Variants in ZNF410 observed in about 807,000 individuals in gnomAD.
ZNF410 encodes another partner for ARF 1.
In ZNF410, 18 loss-of-function variants were observed where a neutral mutation model predicts 54.8. That is an observed-to-expected ratio of 0.33 (90% CI 0.23 to 0.49). The LOEUF is 0.49. Among genes scored for constraint, ZNF410 ranks in the 20% least tolerant of loss-of-function variants. ZNF410 has a pLI of 0.99. For missense variants in ZNF410, 405 were observed against 569.6 expected (o/e 0.71, Z 2.94); for synonymous variants, 191 against 207.3 (o/e 0.92, Z 0.68).
In ZNF410 at chr14:73,904,920, C is replaced by A; in HGVS notation, c.750C>A (p.Ile250=). ...TTTGCAGAAATGACCGCTCCTTCATCTGTCCTGCAGAAGGTTGTGGGAAAA... is the reference window on the plus strand; with the variant it reads ...TTTGCAGAAATGACCGCTCCTTCATATGTCCTGCAGAAGGTTGTGGGAAAA... The part of the protein sequence containing the change: ...LKTHRNDRSF[I]CPAEGCGKSF... Residue 250 remains isoleucine (I), a synonymous_variant, in exon 7 of 12, where the codon ATC becomes ATA. Coordinates refer to ENST00000555044, the MANE Select transcript of ZNF410 (RefSeq NM_021188.3). 1 of 1,613,126 alleles carries A rather than the reference C, an allele frequency of 6.2e-7. No homozygotes were observed. The highest frequency in any genetic ancestry group is 2.2e-5 in the East Asian group (1 of 44,886).
intron 5 of ZNF410, among the ~76,000 whole-genome samples, chr14:73,900,861 C>T (rs1013644): frequency 0.067 from 10,270 of 152,180 alleles, 870 homozygotes; most frequent in East Asian, 0.44. Context: ...TAAAGCTCAC[C>T]AGCTGTCATT....
chr14:73,922,277 C>T lies in ZNF410; in HGVS notation c.1270+71C>T. ...TAGGGGCTAAGGAATGGGGTGTCTC[C>T]ACAATGTATGTTTAAATCTCATTTC... is the stretch of plus-strand genomic sequence containing the variant. On this transcript the variant is annotated intron_variant, in intron 10 of 11. Transcript: ENST00000555044. 3 of 1,477,542 alleles carry T rather than the reference C, an allele frequency of 2.0e-6. No individual in the cohort carries two copies. The South Asian group carries it at 3.8e-5, about 18-fold the overall frequency. 91.5% of individuals were successfully genotyped at this position (1,477,542 alleles called of 1,614,324 possible).
chr14:73,914,732 G>C (rs1407778780), intron 8 of ZNF410: 2 of 149,750 alleles, frequency 1.3e-5, no homozygotes, highest in Non-Finnish European at 3.0e-5. Context: ...GGGTTCAAGA[G>C]ATTCTATTGC....
chr14:73,889,859 C>T (rs1038951335), intron 1 of ZNF410, among the ~76,000 whole-genome samples: 8 of 148,450 alleles, frequency 5.4e-5, no homozygotes, highest in African/African-American at 1.7e-4. Flanking sequence ...TACAGTGGAG[C>T]GATCTCGGCT....
At chr14:73,921,271 C>G in intron 9 of ZNF410, 166 bp downstream of exon 9, 1 of 721,524 alleles carries the variant, frequency 1.4e-6, no homozygotes, top group Non-Finnish European at 2.1e-6. Flanking sequence ...ACAGTAGAAT[C>G]ATCTGCAACC....
intron 5 of ZNF410, among the ~76,000 whole-genome samples, chr14:73,903,343 A>G (rs929710833): frequency 6.6e-5 from 10 of 152,208 alleles, no homozygotes; most frequent in African/African-American, 2.2e-4. Flanking sequence ...AAATGGTTTT[A>G]ATTCTGATTT....
intron 1 of ZNF410, among the ~76,000 whole-genome samples, chr14:73,889,431 CAAAAAA>C (rs11330316): frequency 1.3e-4 from 11 of 84,970 alleles, no homozygotes; most frequent in East Asian, 1.1e-3. Context: ...GACTCAGTCT[CAAAAAA>C]AAAAAAAAAA....
rs1013828980 is a variant in ZNF410, at chr14:73,904,059, A to T, written c.680A>T (p.Asp227Val). 1 of 1,614,068 alleles carries T rather than the reference A, an allele frequency of 6.2e-7. No homozygotes were observed. Among genetic ancestry groups the T allele is most frequent in the African/African-American group, 1.3e-5 (1 of 74,932 alleles). The change falls in exon 6 of 12, where the codon GAC (aspartate) becomes GTC (valine). Residue 227 changes from aspartate to valine, a missense_variant. Asp to Val is a radical substitution (Grantham distance 152). This residue lies in a region of ZNF410 where 247 missense variants were observed against 342.8 expected (regional missense o/e 0.72). Coordinates refer to ENST00000555044, the MANE Select transcript of ZNF410 (RefSeq NM_021188.3). ...CTCAAGTGTACAGTTGAAGGTTGTG[A>T]CCGGACATTTGTATGGCCAGCTCAC... ...KKLKCTVEGC[D>V]RTFVWPAHFK... is the part of the protein sequence containing the mutation.
At chr14:73,889,431 CAAAA>C (rs11330316) in intron 1 of ZNF410, among the ~76,000 whole-genome samples, 107 of 84,992 alleles carry the variant, frequency 1.3e-3, no homozygotes, top group African/African-American at 4.1e-3. Flanking sequence ...GACTCAGTCT[CAAAA>C]AAAAAAAAAA....
At chr14:73,910,712 C>T (rs891681974) in intron 8 of ZNF410, among the ~76,000 whole-genome samples, 1 of 147,288 alleles carries the variant, frequency 6.8e-6, no homozygotes, top group Non-Finnish European at 1.5e-5. Flanking sequence ...GAGATTGCAC[C>T]GTTGCACTCC....
At chr14:73,890,498 C>T (rs956671787) in intron 1 of ZNF410, among the ~76,000 whole-genome samples, 1 of 152,220 alleles carries the variant, frequency 6.6e-6, no homozygotes, top group African/African-American at 2.4e-5. Flanking sequence ...TAAGTGCCCT[C>T]TTTGTAAAGT....
chr14:73,915,443 T>C (rs934270818), intron 8 of ZNF410, among the ~76,000 whole-genome samples: 1 of 151,758 alleles, frequency 6.6e-6, no homozygotes, highest in Non-Finnish European at 1.5e-5. Context: ...GTTCAAGCGA[T>C]TCTCCTGCCT....
At position 73,904,081 on chromosome 14, in the gene ZNF410, T is replaced by C; in HGVS notation, c.702T>C (p.Ala234=). Residue 234 remains alanine, a synonymous_variant, in exon 6 of 12, where the codon GCT becomes GCC. Transcript: ENST00000555044. ...EGCDRTFVWP[A]HFKYHLKTHR... is the part of the protein sequence containing the mutation. ...GTGACCGGACATTTGTATGGCCAGC[T>C]CACTTTAAATACCACCTCAAGACTC... The C allele has an allele frequency of 6.2e-7, 1 of 1,614,162 alleles. No homozygotes were observed. The highest frequency in any genetic ancestry group is 1.1e-5 in the South Asian group (1 of 91,092).
At chr14:73,912,024 T>C (rs573976452) in intron 8 of ZNF410, among the ~76,000 whole-genome samples, 26 of 152,188 alleles carry the variant, frequency 1.7e-4, no homozygotes, top group Middle Eastern at 3.2e-3. Flanking sequence ...TTGGAAGTTT[T>C]GGGCAAGAAT....
At chr14:73,897,971 CAA>C (rs5809635) in intron 4 of ZNF410, 98 bp from the exon 5 acceptor site, 24,977 of 669,914 alleles carry the variant, frequency 0.037, no homozygotes, top group South Asian at 0.041. Context: ...GACGCCGTCT[CAA>C]AAAAAAAAAA....
intron 11 of ZNF410, among the ~76,000 whole-genome samples, chr14:73,924,380 A>T (rs1475935950): frequency 1.3e-5 from 2 of 152,182 alleles, no homozygotes; most frequent in Non-Finnish European, 2.9e-5. Flanking sequence ...CTAACAGGGC[A>T]CGGACCAGTG....
chr14:73,903,951 C>T lies in ZNF410; in HGVS notation c.581-9C>T. Reference sequence around the variant, plus strand: ...TTCCCTGGATTACAAATATGTGACTCTGTTACAGGAGAAAATGTCCACCTT... The same window carrying T: ...TTCCCTGGATTACAAATATGTGACTTTGTTACAGGAGAAAATGTCCACCTT... On this transcript the variant is annotated splice_polypyrimidine_tract_variant and intron_variant, in intron 5 of 11. Coordinates refer to ENST00000555044, the MANE Select transcript of ZNF410 (RefSeq NM_021188.3). The T allele has an allele frequency of 6.2e-7, 1 of 1,614,018 alleles. No homozygotes were observed. Among genetic ancestry groups the T allele is most frequent in the Non-Finnish European group, 8.5e-7 (1 of 1,179,966 alleles).
chr14:73,906,809 G>C (rs2055497316), intron 7 of ZNF410, among the ~76,000 whole-genome samples: 1 of 151,896 alleles, frequency 6.6e-6, no homozygotes, highest in South Asian at 2.1e-4. Flanking sequence ...AATATGACCT[G>C]ATTTTCCCGT....
chr14:73,908,807 C>A (rs558662789), intron 7 of ZNF410, among the ~76,000 whole-genome samples: 82 of 150,870 alleles, frequency 5.4e-4, no homozygotes, highest in African/African-American at 1.9e-3. Context: ...AGTTTGTGAC[C>A]CTTGGAGGAT....
Sources: allele counts gnomAD v4.1 joint callset (sites outside exome capture counted in the v4.1 genomes callset), GRCh38; gene constraint gnomAD v4.1.1; regional missense constraint gnomAD v4.1.1; transcripts MANE v1.5; gene names NCBI Gene and HGNC (gene_info 2026-07-23, HGNC 2026-07-21).